FHIT: variants seen among roughly 807,000 people sequenced by gnomAD.
FHIT encodes bis(5'-adenosyl)-triphosphatase.
In FHIT, 19 loss-of-function variants were observed where a neutral mutation model predicts 17.9. That is an observed-to-expected ratio of 1.06 (90% CI 0.74 to 1.56). FHIT has a LOEUF of 1.56. Ranked by LOEUF, FHIT falls within the 40% of genes most tolerant of loss-of-function variation. The pLI is 0.00. For synonymous variants in FHIT, 81 were observed against 69.7 expected (o/e 1.16, Z -0.81); for missense variants, 248 against 189.2 (o/e 1.31, Z -1.82).
chr3:60,590,483 C>A (rs1239784666), intron 4 of FHIT, among the ~76,000 whole-genome samples: 1 of 152,018 alleles, frequency 6.6e-6, no homozygotes, highest in African/African-American at 2.4e-5. Flanking sequence ...AGTCCATGCA[C>A]TTAGGAGGAA....
At chr3:61,232,222 A>G (rs1353536397) in intron 1 of FHIT, among the ~76,000 whole-genome samples, 2 of 151,708 alleles carry the variant, frequency 1.3e-5, no homozygotes, top group Non-Finnish European at 2.9e-5. Flanking sequence ...TGTCTCTACA[A>G]AAAAAAATAC....
intron 7 of FHIT, among the ~76,000 whole-genome samples, chr3:60,005,882 A>G (rs809710): frequency 0.49 from 75,111 of 151,990 alleles, 18,740 homozygotes; most frequent in Admixed American, 0.54. Flanking sequence ...GTACACATCA[A>G]ATCTTTCCTA....
At chr3:61,118,494 G>A (rs567935598) in intron 2 of FHIT, among the ~76,000 whole-genome samples, 1 of 152,276 alleles carries the variant, frequency 6.6e-6, no homozygotes, top group South Asian at 2.1e-4. Context: ...TTAAAGCCAA[G>A]AGGGAAAAGT....
intron 8 of FHIT, among the ~76,000 whole-genome samples, chr3:59,775,501 C>T (rs1702266294): frequency 1.3e-5 from 2 of 152,148 alleles, no homozygotes; most frequent in Admixed American, 6.5e-5. Flanking sequence ...ACAGCTCAGG[C>T]ACCTTCCTTT....
At chr3:60,183,089 T>C (rs1702010720) in intron 5 of FHIT, among the ~76,000 whole-genome samples, 1 of 151,950 alleles carries the variant, frequency 6.6e-6, no homozygotes, top group African/African-American at 2.4e-5. Flanking sequence ...ACAGGTAAAA[T>C]ATCTTGAAAA....
chr3:61,053,656 C>T (rs540479446), intron 2 of FHIT, among the ~76,000 whole-genome samples: 3 of 114,190 alleles, frequency 2.6e-5, no homozygotes, highest in African/African-American at 2.6e-5. Context: ...AGCAAAACTC[C>T]GTCTCAAGAA....
intron 5 of FHIT, among the ~76,000 whole-genome samples, chr3:60,451,175 T>C (rs550141981): frequency 1.3e-5 from 2 of 152,216 alleles, no homozygotes; most frequent in African/African-American, 4.8e-5. Flanking sequence ...TTTTTAACCA[T>C]TTTATCAAAT....
intron 3 of FHIT, among the ~76,000 whole-genome samples, chr3:60,981,852 C>T (rs1421983759): frequency 6.6e-6 from 1 of 152,124 alleles, no homozygotes; most frequent in Non-Finnish European, 1.5e-5. Context: ...ATTCTCCCAC[C>T]TTGGCCTCCC....
At chr3:60,299,046 T>A (rs1199916467) in intron 5 of FHIT, among the ~76,000 whole-genome samples, 1 of 152,124 alleles carries the variant, frequency 6.6e-6, no homozygotes, top group East Asian at 1.9e-4. Flanking sequence ...AATGTTGTAA[T>A]CCTGCTGGAA....
At chr3:61,190,718 T>C (rs2038686915) in intron 2 of FHIT, among the ~76,000 whole-genome samples, 2 of 152,152 alleles carry the variant, frequency 1.3e-5, no homozygotes, top group Admixed American at 1.3e-4. Flanking sequence ...TAAGAAAATG[T>C]GGCATATATA....
intron 2 of FHIT, among the ~76,000 whole-genome samples, chr3:61,105,564 A>G (rs1305198007): frequency 6.6e-6 from 1 of 152,088 alleles, no homozygotes; most frequent in African/African-American, 2.4e-5. Flanking sequence ...AATTAAAATA[A>G]TAATAATAAA....
chr3:61,225,792 C>T (rs1328430802), intron 1 of FHIT, among the ~76,000 whole-genome samples: 1 of 152,194 alleles, frequency 6.6e-6, no homozygotes, highest in Non-Finnish European at 1.5e-5. Flanking sequence ...AGCTTGTTTT[C>T]CATCACCATG....
intron 5 of FHIT, among the ~76,000 whole-genome samples, chr3:60,521,554 A>G (rs138763977): frequency 6.6e-6 from 1 of 152,134 alleles, no homozygotes; most frequent in Admixed American, 6.6e-5. Context: ...GCCAAAAGTT[A>G]TAATTATTAT....
At chr3:60,649,345 C>T (rs770394333) in intron 4 of FHIT, among the ~76,000 whole-genome samples, 10 of 152,038 alleles carry the variant, frequency 6.6e-5, no homozygotes, top group Non-Finnish European at 1.3e-4. Context: ...GAGCTTGCAG[C>T]TAGCCGAGAT....
intron 7 of FHIT, among the ~76,000 whole-genome samples, chr3:59,964,208 AT>A (rs1252562468): frequency 7.2e-5 from 11 of 152,152 alleles, no homozygotes; most frequent in Non-Finnish European, 1.2e-4. Flanking sequence ...GCTCAAATAT[AT>A]TATACTAAAA....
chr3:60,800,349 A>G (rs1185802241), intron 4 of FHIT, among the ~76,000 whole-genome samples: 4 of 152,170 alleles, frequency 2.6e-5, no homozygotes, highest in Admixed American at 2.0e-4. Context: ...AGTTCCTTCC[A>G]TAGTGTATGT....
intron 5 of FHIT, among the ~76,000 whole-genome samples, chr3:60,335,094 G>T (rs1710169830): frequency 6.6e-6 from 1 of 152,042 alleles, no homozygotes; most frequent in African/African-American, 2.4e-5. Context: ...ATTGGGATAG[G>T]GTTGTTTTAT....
chr3:60,713,032 G>T (rs1270784517), intron 4 of FHIT, among the ~76,000 whole-genome samples: 1 of 151,988 alleles, frequency 6.6e-6, no homozygotes, highest in African/African-American at 2.4e-5. Flanking sequence ...TGGAAGTAAA[G>T]CTCTCCTCAA....
At chr3:59,751,874 TTG>T (rs1403362414) in intron 9 of FHIT, 3 of 246,450 alleles carry the variant, frequency 1.2e-5, no homozygotes, top group Non-Finnish European at 2.3e-5. Flanking sequence ...TTAAGTTAAG[TTG>T]GGGTTGACCT....
Sources: allele counts gnomAD v4.1 joint callset (sites outside exome capture counted in the v4.1 genomes callset), GRCh38; gene constraint gnomAD v4.1.1; transcripts MANE v1.5; gene names NCBI Gene and HGNC (gene_info 2026-07-23, HGNC 2026-07-21).